TBC1D22A: variants seen among roughly 807,000 people sequenced by gnomAD.
The protein encoded by TBC1D22A is putative GTPase activator.
TBC1D22A carries 38 observed loss-of-function variants against 60.2 expected under a neutral mutation model. The ratio of observed to expected loss-of-function variants is 0.63; its 90% CI spans 0.49 to 0.83. TBC1D22A has a LOEUF of 0.83. TBC1D22A is among the 40% of genes least tolerant of loss of function. The pLI is 0.00. For missense variants in TBC1D22A, 628 were observed against 701.0 expected (o/e 0.90, Z 1.18); for synonymous variants, 302 against 281.7 (o/e 1.07, Z -0.72).
At chr22:46,997,823 T>C in intron 10 of TBC1D22A, 114 bp downstream of exon 10, 1 of 873,058 alleles carries the variant, frequency 1.1e-6, no homozygotes, top group Admixed American at 2.1e-5. Flanking sequence ...CTGCTCAGGA[T>C]CCCTCATGGG....
chr22:46,803,657 G>C (rs956478661), intron 4 of TBC1D22A, among the ~76,000 whole-genome samples: 2 of 152,352 alleles, frequency 1.3e-5, no homozygotes, highest in Admixed American at 1.3e-4. Context: ...TTACTGAAAG[G>C]CAGGCACAGC....
At chr22:46,904,096 A>AATCT (rs748640215) in intron 7 of TBC1D22A, among the ~76,000 whole-genome samples, 2,369 of 106,852 alleles carry the variant, frequency 0.022, 43 homozygotes, top group South Asian at 0.048. Flanking sequence ...ATCTAAATAA[A>AATCT]ATCTATCTAT....
intron 1 of TBC1D22A, among the ~76,000 whole-genome samples, chr22:46,769,166 T>A (rs1284900681): frequency 3.3e-5 from 5 of 150,070 alleles, no homozygotes; most frequent in African/African-American, 1.2e-4. Context: ...GGCAAGGATG[T>A]GAGTGCTGGG....
chr22:47,061,424 C>T (rs2063573641), intron 11 of TBC1D22A, among the ~76,000 whole-genome samples: 2 of 152,038 alleles, frequency 1.3e-5, no homozygotes, highest in Admixed American at 1.3e-4. Flanking sequence ...CTGGTAGTCC[C>T]TCGAGAGGGG....
intron 11 of TBC1D22A, among the ~76,000 whole-genome samples, chr22:47,049,419 C>T (rs2063139214): frequency 6.6e-6 from 1 of 152,242 alleles, no homozygotes; most frequent in Non-Finnish European, 1.5e-5. Flanking sequence ...TCTGAGTAAA[C>T]CTGCAGGTGA....
chr22:47,128,655 A>G (rs1036118528), intron 12 of TBC1D22A, among the ~76,000 whole-genome samples: 1 of 152,068 alleles, frequency 6.6e-6, no homozygotes, highest in African/African-American at 2.4e-5. Context: ...TTATTAAATC[A>G]TCCCTCTCTG....
chr22:46,994,632 G>A (rs964636155), intron 9 of TBC1D22A, among the ~76,000 whole-genome samples: 2 of 152,160 alleles, frequency 1.3e-5, no homozygotes, highest in Admixed American at 6.5e-5. Flanking sequence ...GGAATTTGTC[G>A]GAATAGGACA....
intron 12 of TBC1D22A, among the ~76,000 whole-genome samples, chr22:47,173,118 C>T (rs996501877): frequency 9.8e-5 from 15 of 152,342 alleles, no homozygotes; most frequent in African/African-American, 3.6e-4. Context: ...CCCTGAGGGG[C>T]AGGGGATTCA....
At chr22:46,988,235 C>G (rs2074803382) in intron 9 of TBC1D22A, among the ~76,000 whole-genome samples, 1 of 152,258 alleles carries the variant, frequency 6.6e-6, no homozygotes, top group Admixed American at 6.5e-5. Flanking sequence ...ACTTCCTCCA[C>G]TGAAGTATTG....
At chr22:46,858,746 G>A (rs1219842888) in intron 4 of TBC1D22A, among the ~76,000 whole-genome samples, 1 of 152,194 alleles carries the variant, frequency 6.6e-6, no homozygotes, top group Non-Finnish European at 1.5e-5. Context: ...AAGGGCTAAG[G>A]AGAGGGAGGA....
At chr22:46,890,524 A>G (rs1250007602) in intron 5 of TBC1D22A, among the ~76,000 whole-genome samples, 3 of 152,210 alleles carry the variant, frequency 2.0e-5, no homozygotes, top group African/African-American at 4.8e-5. Context: ...GGCATTTTAT[A>G]TAAGGGTCTT....
At chr22:47,046,457 G>A (rs1247984329) in intron 11 of TBC1D22A, among the ~76,000 whole-genome samples, 3 of 152,150 alleles carry the variant, frequency 2.0e-5, no homozygotes, top group Non-Finnish European at 2.9e-5. Context: ...CTGGGGGAGC[G>A]CCCAGGGACA....
chr22:46,839,582 A>G (rs2086664849), intron 4 of TBC1D22A, among the ~76,000 whole-genome samples: 1 of 152,370 alleles, frequency 6.6e-6, no homozygotes, highest in South Asian at 2.1e-4. Flanking sequence ...TTTTGCAAAA[A>G]GAAGAAAAAC....
chr22:47,084,926 C>T (rs2064616927), intron 11 of TBC1D22A, among the ~76,000 whole-genome samples: 1 of 152,184 alleles, frequency 6.6e-6, no homozygotes, highest in South Asian at 2.1e-4. Flanking sequence ...TCTCCTTAAA[C>T]AATAGATGGT....
At chr22:46,980,089 G>A (rs1308107066) in intron 9 of TBC1D22A, among the ~76,000 whole-genome samples, 4 of 152,164 alleles carry the variant, frequency 2.6e-5, no homozygotes, top group Non-Finnish European at 4.4e-5. Context: ...CTAGAACAGC[G>A]ATTTGAAAGG....
At chr22:47,133,014 A>G (rs1279105189) in intron 12 of TBC1D22A, among the ~76,000 whole-genome samples, 1 of 152,240 alleles carries the variant, frequency 6.6e-6, no homozygotes, top group East Asian at 1.9e-4. Context: ...TCAGGGAGCC[A>G]AGTGTGCTCA....
chr22:47,005,196 C>T (rs1569327232), intron 10 of TBC1D22A, among the ~76,000 whole-genome samples: 1 of 151,722 alleles, frequency 6.6e-6, no homozygotes, highest in Non-Finnish European at 1.5e-5. Flanking sequence ...TACACACCTG[C>T]TATATATCCA....
At chr22:46,807,247 A>G (rs993413289) in intron 4 of TBC1D22A, among the ~76,000 whole-genome samples, 1 of 12,262 alleles carries the variant, frequency 8.2e-5, no homozygotes, top group Non-Finnish European at 1.9e-4. Flanking sequence ...TTCAGGGATT[A>G]GTGTTGATTG....
intron 1 of TBC1D22A, among the ~76,000 whole-genome samples, chr22:46,784,862 A>T (rs1365479542): frequency 6.6e-6 from 1 of 152,246 alleles, no homozygotes; most frequent in Non-Finnish European, 1.5e-5. Flanking sequence ...ACATGTTCTT[A>T]TTCCCATTTC....
Sources: gnomAD v4.1 joint callset for allele counts (sites outside exome capture counted in the v4.1 genomes callset) on GRCh38, gnomAD v4.1.1 for gene constraint, MANE v1.5 for transcripts, NCBI Gene and HGNC (gene_info 2026-07-23, HGNC 2026-07-21) for gene names.